The following MS4A13 variants were observed in gnomAD, a reference collection of about 807,000 sequenced individuals.
MS4A13 encodes the protein membrane spanning 4-domains A13, also known as membrane-spanning 4-domains subfamily A member 13.
In MS4A13, 21 loss-of-function variants were observed where a neutral mutation model predicts 18.4. The observed-to-expected ratio is 1.14, with a 90% CI of 0.81 to 1.64. MS4A13 has a LOEUF of 1.64. Among genes scored for constraint, MS4A13 ranks in the 40% most tolerant of loss-of-function variants. The pLI is 0.00. For synonymous variants in MS4A13, 62 were observed against 57.2 expected (o/e 1.08, Z -0.38); for missense variants, 173 against 176.8 (o/e 0.98, Z 0.12).
At chr11:60,528,355 A>G (rs1038626284) in intron 5 of MS4A13, among the ~76,000 whole-genome samples, 1 of 152,170 alleles carries the variant, frequency 6.6e-6, no homozygotes, top group African/African-American at 2.4e-5. Flanking sequence ...CAAAGGTCCT[A>G]CCACTTTATG....
At chr11:60,540,159 G>A (rs1310712691) in intron 6 of MS4A13, among the ~76,000 whole-genome samples, 2 of 152,142 alleles carry the variant, frequency 1.3e-5, no homozygotes, top group African/African-American at 2.4e-5. Flanking sequence ...ATTTAAGGTC[G>A]TGTTATTAGT....
In MS4A13 at chr11:60,523,912, G is replaced by A. The variant is rs368189631; in HGVS notation, c.145G>A (p.Val49Ile). Residue 49 changes from valine to isoleucine, a missense_variant, in exon 4 of 7, where the codon GTC becomes ATC. Transcript: ENST00000378186. The part of the protein sequence containing the change: ...LWGIFFIIAG[V>I]FLIRVTKYPT... Reference sequence around the variant, plus strand: ...TTATATCCAGTTTATCATTGCAGGAGTCTTCCTAATAAGAGTAACAAAGTA... The same window carrying A: ...TTATATCCAGTTTATCATTGCAGGAATCTTCCTAATAAGAGTAACAAAGTA... The A allele has an allele frequency of 2.5e-5, 38 of 1,535,986 alleles. 1 individual carries two copies. The African/African-American group carries it at 4.2e-4, about 17-fold the overall frequency.
At chr11:60,522,896 A>C (rs2086687396) in intron 3 of MS4A13, among the ~76,000 whole-genome samples, 1 of 152,234 alleles carries the variant, frequency 6.6e-6, no homozygotes, top group Non-Finnish European at 1.5e-5. Context: ...AAAATAGTAT[A>C]TTAAACTCCT....
intron 6 of MS4A13, among the ~76,000 whole-genome samples, chr11:60,538,201 A>T (rs928653005): frequency 2.9e-4 from 44 of 151,854 alleles, no homozygotes; most frequent in Middle Eastern, 3.4e-3. Context: ...ACGAAAAAAA[A>T]AAACAAAGTT....
At chr11:60,521,517 G>T (rs2086673521) in intron 3 of MS4A13, among the ~76,000 whole-genome samples, 1 of 152,052 alleles carries the variant, frequency 6.6e-6, no homozygotes, top group Non-Finnish European at 1.5e-5. Context: ...AAATCTCTAG[G>T]GAAAAATGCC....
chr11:60,520,904 C>T (rs1175251582), intron 3 of MS4A13, among the ~76,000 whole-genome samples: 2 of 152,260 alleles, frequency 1.3e-5, no homozygotes, highest in Admixed American at 1.3e-4. Context: ...GCCCCTGCAG[C>T]AAACTTCCGC....
In MS4A13 at chr11:60,525,326, AG is replaced by A; in HGVS notation, c.306+1del. The A allele has an allele frequency of 6.4e-7, 1 of 1,573,888 alleles. No homozygotes were observed. Among genetic ancestry groups the A allele is most frequent in the Non-Finnish European group, 8.6e-7 (1 of 1,156,626 alleles). On this transcript the variant is annotated splice_donor_variant, in intron 5 of 6. Transcript: ENST00000378186. LOFTEE classifies it high-confidence loss of function. Reference sequence around the variant, plus strand: ...TGTCATACAGGAATTATGGACAAGCAGTAAGTGACCAATTCTATGGGAACAT... The same window carrying A: ...TGTCATACAGGAATTATGGACAAGCATAAGTGACCAATTCTATGGGAACAT...
At chr11:60,541,431 T>A (rs1184456887) in intron 6 of MS4A13, among the ~76,000 whole-genome samples, 1 of 152,166 alleles carries the variant, frequency 6.6e-6, no homozygotes, top group Admixed American at 6.5e-5. Flanking sequence ...GACATGGTGA[T>A]TAAAAGCAAC....
At chr11:60,524,062 T>A in intron 4 of MS4A13, 109 bp downstream of exon 4, 1 of 628,620 alleles carries the variant, frequency 1.6e-6, no homozygotes, top group Non-Finnish European at 2.8e-6. Flanking sequence ...ACCCTACCTG[T>A]AAAGTAAATG....
Position 60,515,501 on chromosome 11 carries a change from G to T in MS4A13, c.-235G>T. ...CTGGCGCTGAGCGCGTTGCCAGCCG[G>T]GATCTTCCTCTTCATCTAGGCCTGG... On this transcript the variant is annotated 5_prime_UTR_variant, in exon 1 of 7. Transcript: ENST00000378186. 1 of 152,430 alleles carries T rather than the reference G, an allele frequency of 6.6e-6. No individual in the cohort carries two copies. Among genetic ancestry groups the T allele is most frequent in the Non-Finnish European group, 1.5e-5 (1 of 68,102 alleles). The allele number at this position is 152,430 out of a possible 1,614,324, so 9.4% of individuals were successfully genotyped here. A position where few individuals can be genotyped will look rare whatever the true frequency, so the allele number is the denominator to read the frequency against.
intron 3 of MS4A13, among the ~76,000 whole-genome samples, chr11:60,523,182 A>C (rs983411086): frequency 6.6e-6 from 1 of 152,202 alleles, no homozygotes; most frequent in East Asian, 1.9e-4. Context: ...TGTAAGCTTC[A>C]GGTTTGGGCT....
At chr11:60,527,823 G>A (rs1285436265) in intron 5 of MS4A13, among the ~76,000 whole-genome samples, 4 of 152,006 alleles carry the variant, frequency 2.6e-5, no homozygotes, top group South Asian at 2.1e-4. Context: ...GTGATAGAGC[G>A]AGACTCAGTC....
At chr11:60,543,379 G>A (rs1253006371), downstream of MS4A13, among the ~76,000 whole-genome samples, 1 of 151,944 alleles carries the variant, frequency 6.6e-6, no homozygotes, top group Non-Finnish European at 1.5e-5. Flanking sequence ...TCTACTGTAT[G>A]CCAATGAATA....
chr11:60,533,266 A>C (rs2135265765), intron 6 of MS4A13, among the ~76,000 whole-genome samples: 1 of 62,272 alleles, frequency 1.6e-5, no homozygotes, highest in African/African-American at 5.3e-5. Flanking sequence ...AAAAGTTGAA[A>C]ACTTCGAAAA....
intron 3 of MS4A13, among the ~76,000 whole-genome samples, chr11:60,521,482 A>G (rs1565210572): frequency 6.6e-6 from 1 of 152,164 alleles, no homozygotes; most frequent in Non-Finnish European, 1.5e-5. Context: ...ATCTTAAATC[A>G]TCTCTCTCAA....
intron 3 of MS4A13, among the ~76,000 whole-genome samples, chr11:60,520,370 A>G (rs2086665426): frequency 6.6e-6 from 1 of 152,240 alleles, no homozygotes; most frequent in Admixed American, 6.5e-5. Context: ...TCCACAGTCC[A>G]AAGTCTCATC....
intron 5 of MS4A13, among the ~76,000 whole-genome samples, chr11:60,528,745 A>G (rs749962016): frequency 2.6e-5 from 4 of 152,198 alleles, no homozygotes; most frequent in Non-Finnish European, 5.9e-5. Flanking sequence ...TCACATAACT[A>G]ACCAATCGGA....
At chr11:60,515,673 A>ACGGTGTTCCTCTC (rs1454675727) in intron 1 of MS4A13, 66 bp downstream of exon 1, 1 of 152,232 alleles carries the variant, frequency 6.6e-6, no homozygotes, top group Non-Finnish European at 1.5e-5. Flanking sequence ...GAGGCTGATT[A>ACGGTGTTCCTCTC]CGGTGTTCCT....
At chr11:60,523,765 T>G in intron 3 of MS4A13, 132 bp from the exon 4 acceptor site, 1 of 602,634 alleles carries the variant, frequency 1.7e-6, no homozygotes, top group South Asian at 1.9e-5. Context: ...CTGACCCATC[T>G]ACTAAAACTT....
Sources: allele counts gnomAD v4.1 joint callset (sites outside exome capture counted in the v4.1 genomes callset), GRCh38; gene constraint gnomAD v4.1.1; transcripts MANE v1.5; gene names NCBI Gene and HGNC (gene_info 2026-07-23, HGNC 2026-07-21).